The following ARFGEF1 variants were observed in gnomAD, a reference collection of about 807,000 sequenced individuals.
ARFGEF1 encodes the protein brefeldin A-inhibited guanine nucleotide-exchange protein 1.
Under a neutral mutation model 231.0 loss-of-function variants are expected in ARFGEF1, and 42 were observed. The observed-to-expected ratio is 0.18, with a 90% confidence interval of 0.14 to 0.24. The LOEUF (loss-of-function observed/expected upper bound fraction) is 0.24. Ranked by LOEUF, ARFGEF1 falls within the 10% of genes least tolerant of loss-of-function variation. The pLI, the probability that ARFGEF1 is intolerant of heterozygous loss-of-function variation, is 1.00. For synonymous variants in ARFGEF1, 710 were observed against 732.3 expected (o/e 0.97, Z 0.49); for missense variants, 1,345 against 2,192.0 (o/e 0.61, Z 7.72).
rs1356473203 is a variant in ARFGEF1, at chr8:67,343,431, A to G, written c.-144T>C. 2 of 1,397,582 alleles carry G rather than the reference A, an allele frequency of 1.4e-6. No homozygotes were observed. The highest frequency in any genetic ancestry group is 1.4e-5 in the African/African-American group (1 of 69,218). 86.6% of individuals were successfully genotyped at this position (1,397,582 alleles called of 1,614,324 possible). On this transcript the variant is annotated 5_prime_UTR_variant, in exon 1 of 39. Coordinates refer to ENST00000262215, the MANE Select transcript of ARFGEF1 (RefSeq NM_006421.5). The stretch of plus-strand genomic sequence containing the variant: ...AGGCGTGGAGGGCAGCGGCAGGATC[A>G]GGAAGGGGCGGGCGAGCGGGACCAG...
At chr8:67,231,050 T>C (rs143083375) in intron 23 of ARFGEF1, among the ~76,000 whole-genome samples, 15 of 152,096 alleles carry the variant, frequency 9.9e-5, no homozygotes, top group East Asian at 3.9e-4. Flanking sequence ...TGCAGAAAAA[T>C]AGGCCTAAGG....
At chr8:67,290,691 T>G (rs761408445) in intron 6 of ARFGEF1, among the ~76,000 whole-genome samples, 3 of 152,144 alleles carry the variant, frequency 2.0e-5, no homozygotes, top group Non-Finnish European at 4.4e-5. Context: ...CCAGCTTTAT[T>G]AGAGATTAGC....
downstream of ARFGEF1, among the ~76,000 whole-genome samples, chr8:67,193,207 C>T (rs1429471792): frequency 6.6e-6 from 1 of 152,150 alleles, no homozygotes; most frequent in Non-Finnish European, 1.5e-5. Context: ...GCCTCCACCT[C>T]CTGCCTCAGC....
chr8:67,179,693 G>C (rs1832557157), intron 5 of ARFGEF1, among the ~76,000 whole-genome samples: 1 of 152,172 alleles, frequency 6.6e-6, no homozygotes, highest in Non-Finnish European at 1.5e-5. Context: ...AATTGTGTGT[G>C]TTAAGGCTTT....
Position 67,299,026 on chromosome 8 carries a change from C to T in ARFGEF1, c.459+183G>A, listed in dbSNP as rs191457130. On this transcript the variant is annotated intron_variant, in intron 4 of 38. Transcript: ENST00000262215. ...CTCAAACTCCTGACCTCAAGTGATC[C>T]GCCCAACTTGGCCTCCCAAAGTGCT... 1.8e-4 allele frequency among the ~76,000 whole-genome samples: 28 copies of T among 152,160 alleles called. 1 individual carries two copies. The highest frequency in any genetic ancestry group is 3.7e-4 in the Non-Finnish European group (25 of 68,006).
In ARFGEF1 at chr8:67,267,398, G is replaced by A; in HGVS notation, c.1617C>T (p.Thr539=). 2 of 1,611,682 alleles carry A rather than the reference G, an allele frequency of 1.2e-6. No individual in the cohort carries two copies. Among genetic ancestry groups the A allele is most frequent in the Non-Finnish European group, 8.5e-7 (1 of 1,179,040 alleles). ...CCATCCATTTGTGATCAAATGAGCT[G>A]GTAGAAGTTTCCAAAATGTATAAGA... ...EIFLYILETS[T]SSFDHKWMVI... The change falls in exon 11 of 39, where the codon ACC becomes ACT. Residue 539 remains threonine, a synonymous_variant. Transcript: ENST00000262215.
At chr8:67,182,853 A>G (rs953985185) in intron 5 of ARFGEF1, among the ~76,000 whole-genome samples, 1 of 152,050 alleles carries the variant, frequency 6.6e-6, no homozygotes, top group Non-Finnish European at 1.5e-5. Flanking sequence ...GAGTTGTGGG[A>G]GTTCTTTATT....
At chr8:67,281,190 T>A (rs1193195061) in intron 7 of ARFGEF1, among the ~76,000 whole-genome samples, 2 of 151,940 alleles carry the variant, frequency 1.3e-5, no homozygotes, top group Non-Finnish European at 2.9e-5. Flanking sequence ...GACAAAATGA[T>A]GGAAATTAGA....
rs748331865 is a variant in ARFGEF1 at position 67,211,614 on chromosome 8, T to A, written c.4688A>T (p.Asp1563Val). The change falls in exon 34 of 39, where the codon GAT (aspartate) becomes GTT (valine). Residue 1563 changes from aspartate (D) to valine (V), a missense_variant and splice_region_variant. This residue lies in a region of ARFGEF1 where 89 missense variants were observed against 74.8 expected (regional missense o/e 1.19). Coordinates refer to ENST00000262215, the MANE Select transcript of ARFGEF1 (RefSeq NM_006421.5). Reference sequence around the variant, plus strand: ...ATCTACAGACTTCTGTGATATTGTATCCTAATAAATAAAAAAAAAATCACT... The same window carrying A: ...ATCTACAGACTTCTGTGATATTGTAACCTAATAAATAAAAAAAAAATCACT... ...PPSPVSEKPLDTISQKSVDIH... is the reference protein window; with the variant it reads ...PPSPVSEKPLVTISQKSVDIH... The A allele has an allele frequency of 6.9e-7, 1 of 1,447,954 alleles. No homozygotes were observed. The highest frequency in any genetic ancestry group is 9.2e-7 in the Non-Finnish European group (1 of 1,084,650). The allele number at this position is 1,447,954 out of a possible 1,614,324, so 89.7% of individuals were successfully genotyped here.
chr8:67,294,175 G>A (rs1806131974), intron 5 of ARFGEF1, among the ~76,000 whole-genome samples: 1 of 152,102 alleles, frequency 6.6e-6, no homozygotes, highest in Non-Finnish European at 1.5e-5. Context: ...TACAGAGGAT[G>A]TGTGTAGCTT....
chr8:67,298,225 A>G (rs1487861186), intron 4 of ARFGEF1, among the ~76,000 whole-genome samples: 4 of 152,182 alleles, frequency 2.6e-5, no homozygotes, highest in African/African-American at 4.8e-5. Flanking sequence ...ATACACGTAA[A>G]AACAATTTCA....
chr8:67,206,729 C>T (rs939288337), intron 34 of ARFGEF1, among the ~76,000 whole-genome samples: 8 of 152,322 alleles, frequency 5.3e-5, no homozygotes, highest in Non-Finnish European at 8.8e-5. Context: ...CACACGGCCA[C>T]GCCTCCATCT....
intron 1 of ARFGEF1, among the ~76,000 whole-genome samples, chr8:67,307,468 GGAA>G (rs962890678): frequency 1.8e-4 from 28 of 152,188 alleles, no homozygotes; most frequent in African/African-American, 6.8e-4. Context: ...CCACGGACAA[GGAA>G]GAAGAATGGA....
chr8:67,286,571 T>C lies in ARFGEF1; in HGVS notation c.1027+1384A>G, dbSNP rs79627199. Among the ~76,000 whole-genome samples, 86 of 152,332 alleles carry C rather than the reference T, an allele frequency of 5.6e-4. 1 individual carries two copies. The highest frequency in any genetic ancestry group is 1.6e-3 in the African/African-American group (68 of 41,580). Reference sequence around the variant, plus strand: ...GGCTGTGTCACAGTATTATTTTACATACAAAAATAGGTAGCGGGTTGAATC... The same window carrying C: ...GGCTGTGTCACAGTATTATTTTACACACAAAAATAGGTAGCGGGTTGAATC... On this transcript the variant is annotated intron_variant, in intron 7 of 38. Transcript: ENST00000262215.
chr8:67,341,195 A>C (rs1164123797), intron 1 of ARFGEF1, among the ~76,000 whole-genome samples: 2 of 152,206 alleles, frequency 1.3e-5, no homozygotes, highest in Non-Finnish European at 2.9e-5. Context: ...ACTTTGGAGA[A>C]GGAAAATATA....
intron 19 of ARFGEF1, among the ~76,000 whole-genome samples, chr8:67,249,142 T>C (rs1448442009): frequency 1.3e-5 from 2 of 150,478 alleles, no homozygotes; most frequent in Non-Finnish European, 2.9e-5. Flanking sequence ...CGTACATGTA[T>C]ATAAATAATG....
downstream of ARFGEF1, among the ~76,000 whole-genome samples, chr8:67,197,390 A>T (rs528247657): frequency 1.1e-4 from 17 of 152,182 alleles, no homozygotes; most frequent in Non-Finnish European, 5.9e-5. Flanking sequence ...TTGAGGCTAC[A>T]GTGAGCTGTG....
chr8:67,177,900 C>T (rs1832080200), intron 5 of ARFGEF1, among the ~76,000 whole-genome samples: 2 of 152,062 alleles, frequency 1.3e-5, no homozygotes, highest in Admixed American at 6.6e-5. Context: ...ATATAGAAAA[C>T]ATATTGTAAT....
intron 1 of ARFGEF1, among the ~76,000 whole-genome samples, chr8:67,315,208 TAC>T (rs1453853517): frequency 2.0e-5 from 3 of 152,098 alleles, no homozygotes; most frequent in African/African-American, 4.8e-5. Flanking sequence ...ACATCAAGAA[TAC>T]ATAGTAATCC....
Sources: allele counts gnomAD v4.1 joint callset (sites outside exome capture counted in the v4.1 genomes callset), GRCh38; gene constraint gnomAD v4.1.1; regional missense constraint gnomAD v4.1.1; transcripts MANE v1.5; gene names NCBI Gene and HGNC (gene_info 2026-07-23, HGNC 2026-07-21).